The following RAB27B variants were observed in gnomAD, a reference collection of about 807,000 sequenced individuals.
RAB27B encodes ras-related protein Rab-27B.
Under a neutral mutation model 24.6 loss-of-function variants are expected in RAB27B, and 15 were observed. The observed-to-expected ratio is 0.61, with a 90% CI of 0.41 to 0.94. RAB27B has a LOEUF of 0.94. Ranked by LOEUF, RAB27B falls within the 40% of genes least tolerant of loss-of-function variation. RAB27B has a pLI of 0.00. For synonymous variants in RAB27B, 105 were observed against 92.5 expected, an observed-to-expected ratio of 1.14 and a Z score of -0.78; for missense variants, 261 against 266.8, an observed-to-expected ratio of 0.98 and a Z score of 0.15.
chr18:54,888,149 C>G, intron 5 of RAB27B, 31 bp downstream of exon 5: 4 of 1,609,216 alleles, frequency 2.5e-6, no homozygotes, highest in Non-Finnish European at 3.4e-6. Flanking sequence ...TGGCATGTGA[C>G]TTGCACACTG....
chr18:54,880,470 A>G (rs969563327), intron 3 of RAB27B: 1 of 152,214 alleles, frequency 6.6e-6, no homozygotes, highest in Non-Finnish European at 1.5e-5. Flanking sequence ...TAGAATGCTT[A>G]TGCTTGTAAA....
At chr18:54,801,206 T>C (rs1288456245) in intron 2 of RAB27B, among the ~76,000 whole-genome samples, 1 of 151,416 alleles carries the variant, frequency 6.6e-6, no homozygotes, top group African/African-American at 2.4e-5. Flanking sequence ...AGAGATGGGG[T>C]TTTTTACCAT....
At chr18:54,871,332 G>A (rs372232907) in intron 1 of RAB27B, among the ~76,000 whole-genome samples, 16 of 152,230 alleles carry the variant, frequency 1.1e-4, no homozygotes, top group South Asian at 6.2e-4. Flanking sequence ...ATGTGGTTAC[G>A]GGAACGAATA....
chr18:54,837,391 G>A (rs191017516), intron 1 of RAB27B, among the ~76,000 whole-genome samples: 1 of 152,178 alleles, frequency 6.6e-6, no homozygotes, highest in Admixed American at 6.6e-5. Context: ...CTGTACTAAG[G>A]CAATAGATGG....
rs1264669719 is a variant in RAB27B, at chr18:54,850,357, T to TATATATATATATAC, written c.-20+21660_-20+21661insTATATATATACATA. Among the ~76,000 whole-genome samples, 6 of 130,584 alleles carry TATATATATATATAC rather than the reference T, an allele frequency of 4.6e-5. No homozygotes were observed. In the South Asian group the frequency reaches 9.6e-4, roughly 21 times the overall value. 85.7% of individuals were successfully genotyped at this position (130,584 alleles called of 152,430 possible). A position where few individuals can be genotyped will look rare whatever the true frequency, so the allele number is the denominator to read the frequency against. ...GGATATATATATATATATATATATA[T>TATATATATATATAC]ATACATACATACATATGTTTAGTTT... On this transcript the variant is annotated intron_variant, in intron 1 of 5. Coordinates refer to ENST00000262094, the MANE Select transcript of RAB27B (RefSeq NM_004163.4).
intron 2 of RAB27B, among the ~76,000 whole-genome samples, chr18:54,788,428 G>A (rs1006007430): frequency 2.0e-5 from 3 of 152,124 alleles, no homozygotes; most frequent in African/African-American, 7.2e-5. Context: ...TCAGCCTCCT[G>A]AATAGCTGGG....
rs952659305 is a variant in RAB27B, at chr18:54,812,498, G to A, written c.-19-65069G>A. The stretch of plus-strand genomic sequence containing the variant: ...TTAATGTGTTAGTACTCATTGCAGA[G>A]ACAGTAGCAGAGGCAGAATTTCCCA... On this transcript the variant is annotated intron_variant, in intron 2 of 4. Transcript: ENST00000586570. 6.1e-4 allele frequency among the ~76,000 whole-genome samples: 92 copies of A among 151,468 alleles called. 1 individual carries two copies. The highest frequency in any genetic ancestry group is 2.1e-3 in the African/African-American group (87 of 41,322).
intron 1 of RAB27B, among the ~76,000 whole-genome samples, chr18:54,843,428 A>G (rs1330006830): frequency 2.0e-5 from 3 of 152,204 alleles, no homozygotes; most frequent in Non-Finnish European, 4.4e-5. Flanking sequence ...CACTGCAAAG[A>G]GAATTTACAC....
rs954602569 is a variant in RAB27B at position 54,891,053 on chromosome 18, A to G, written c.*1640A>G. 3.3e-5 allele frequency: 5 copies of G among 151,852 alleles called. No homozygotes were observed. The highest frequency in any genetic ancestry group is 1.2e-4 in the African/African-American group (5 of 41,372). The allele number at this position is 151,852 out of a possible 1,614,324, so 9.4% of individuals were successfully genotyped here. A position where few individuals can be genotyped will look rare whatever the true frequency, so the allele number is the denominator to read the frequency against. ...TTCCTCGTCGTATAGATTTTTTCCA[A>G]TCAAACCTACTTTTTCCATACTCTG... is the stretch of plus-strand genomic sequence containing the variant. On this transcript the variant is annotated 3_prime_UTR_variant, in exon 6 of 6. Transcript: ENST00000262094.
chr18:54,824,247 C>A, upstream of RAB27B, among the ~76,000 whole-genome samples: 1 of 152,250 alleles, frequency 6.6e-6, no homozygotes, highest in Non-Finnish European at 1.5e-5. Flanking sequence ...TTTTTTCTTG[C>A]AACTTTTTGT....
chr18:54,877,838 C>A, intron 2 of RAB27B, 100 bp downstream of exon 2: 1 of 1,200,490 alleles, frequency 8.3e-7, no homozygotes, highest in Non-Finnish European at 1.1e-6. Flanking sequence ...TCTTTTGTCA[C>A]ACGAAATTCA....
chr18:54,856,779 A>G (rs1040738802), intron 1 of RAB27B, among the ~76,000 whole-genome samples: 4 of 152,220 alleles, frequency 2.6e-5, no homozygotes. Context: ...TGCCCAATGC[A>G]TATTAGCACC....
chr18:54,790,450 A>G (rs375762626), intron 2 of RAB27B, among the ~76,000 whole-genome samples: 56 of 152,276 alleles, frequency 3.7e-4, no homozygotes, highest in African/African-American at 1.3e-3. Flanking sequence ...TGACTACATA[A>G]AAGTTATCAG....
intron 2 of RAB27B, among the ~76,000 whole-genome samples, chr18:54,720,544 A>G (rs972261189): frequency 1.2e-4 from 18 of 152,158 alleles, no homozygotes; most frequent in African/African-American, 4.1e-4. Context: ...TTCTACATAG[A>G]AAAATATAGC....
chr18:54,803,769 T>A (rs1446035281), intron 2 of RAB27B, among the ~76,000 whole-genome samples: 1 of 152,210 alleles, frequency 6.6e-6, no homozygotes, highest in Non-Finnish European at 1.5e-5. Context: ...GGCTTTGGAC[T>A]TAAGCAACTG....
Position 54,895,144 on chromosome 18 carries a change from C to T in RAB27B, c.*5731C>T, listed in dbSNP as rs904399432. ...CTTTAGTTAGTGTGTTAAAAGTAGA[C>T]GATGTTCTAATATAACACTGAAGTG... On this transcript the variant is annotated 3_prime_UTR_variant, in exon 6 of 6. Transcript: ENST00000262094. The T allele has an allele frequency of 1.3e-5, 2 of 151,986 alleles. No individual in the cohort carries two copies. Among genetic ancestry groups the T allele is most frequent in the South Asian group, 2.1e-4 (1 of 4,816 alleles). 9.4% of individuals were successfully genotyped at this position (151,986 alleles called of 1,614,324 possible). A position where few individuals can be genotyped will look rare whatever the true frequency, so the allele number is the denominator to read the frequency against.
At chr18:54,789,668 T>C (rs1425919261) in intron 2 of RAB27B, among the ~76,000 whole-genome samples, 1 of 152,108 alleles carries the variant, frequency 6.6e-6, no homozygotes, top group South Asian at 2.1e-4. Flanking sequence ...AAAAAAACAA[T>C]ATGATGAGTG....
intron 2 of RAB27B, among the ~76,000 whole-genome samples, chr18:54,823,034 A>G (rs1034824739): frequency 6.6e-6 from 1 of 152,266 alleles, no homozygotes; most frequent in African/African-American, 2.4e-5. Flanking sequence ...TTAAGACCTC[A>G]CCACAGAGTA....
intron 1 of RAB27B, among the ~76,000 whole-genome samples, chr18:54,829,097 C>T (rs751333733): frequency 6.6e-6 from 1 of 152,176 alleles, no homozygotes; most frequent in Non-Finnish European, 1.5e-5. Flanking sequence ...CCAGGAGGAG[C>T]GACTTAGTGA....
Sources: allele counts gnomAD v4.1 joint callset (sites outside exome capture counted in the v4.1 genomes callset), GRCh38; gene constraint gnomAD v4.1.1; transcripts MANE v1.5; gene names NCBI Gene and HGNC (gene_info 2026-07-23, HGNC 2026-07-21).